Variants in CADPS observed in about 807,000 individuals in gnomAD.
CADPS encodes the protein calcium dependent secretion activator, also known as calcium-dependent secretion activator 1.
A neutral mutation model predicts 167.3 loss-of-function variants in CADPS; 57 were observed. The ratio of observed to expected loss-of-function variants is 0.34; its 90% CI spans 0.28 to 0.42. CADPS has a LOEUF of 0.42. CADPS is among the 20% of genes least tolerant of loss of function. The pLI is 1.00. For synonymous variants in CADPS, 676 were observed against 635.3 expected (o/e 1.06, Z -0.96); for missense variants, 1,414 against 1,738.1 (o/e 0.81, Z 3.32).
chr3:62,776,628 T>C (rs574204807), intron 1 of CADPS, among the ~76,000 whole-genome samples: 1 of 152,088 alleles, frequency 6.6e-6, no homozygotes, highest in Non-Finnish European at 1.5e-5. Flanking sequence ...CACTCCAGCA[T>C]GGACAACAGA....
chr3:62,875,188 C>A lies in CADPS; in HGVS notation c.-159G>T. ...CTCAGCCTCGGCCGCCGCGACTGAT[C>A]CTCTGCCCGGCGGTCGCGAGCTGGG... On this transcript the variant is annotated 5_prime_UTR_variant, in exon 1 of 30. Transcript: ENST00000383710. The A allele has an allele frequency of 9.9e-7, 1 of 1,009,726 alleles. No homozygotes were observed. Among genetic ancestry groups the A allele is most frequent in the Non-Finnish European group, 1.3e-6 (1 of 779,652 alleles). The allele number at this position is 1,009,726 out of a possible 1,614,324, so 62.5% of individuals were successfully genotyped here.
chr3:62,721,133 TTA>T (rs1564298904), intron 3 of CADPS, among the ~76,000 whole-genome samples: 1 of 111,754 alleles, frequency 8.9e-6, no homozygotes. Context: ...TTTTTTTTTT[TTA>T]AAAAAAAAAA....
chr3:62,683,991 A>T (rs1465593889), intron 3 of CADPS, among the ~76,000 whole-genome samples: 1 of 151,978 alleles, frequency 6.6e-6, no homozygotes, highest in Non-Finnish European at 1.5e-5. Context: ...AGGTTTCCAG[A>T]TTTCTTTACT....
At chr3:62,406,357 A>G (rs1053055207) in intron 28 of CADPS, among the ~76,000 whole-genome samples, 3 of 152,136 alleles carry the variant, frequency 2.0e-5, no homozygotes, top group Admixed American at 6.5e-5. Flanking sequence ...GTGCTTATTA[A>G]TCGGGTTTGC....
chr3:62,817,024 G>T (rs781753266), intron 1 of CADPS, among the ~76,000 whole-genome samples: 2 of 152,062 alleles, frequency 1.3e-5, no homozygotes, highest in Non-Finnish European at 2.9e-5. Flanking sequence ...ATAGTCCAAG[G>T]CCAGGAAGTA....
intron 10 of CADPS, 118 bp downstream of exon 10, chr3:62,557,287 C>G: frequency 1.4e-6 from 1 of 736,054 alleles, no homozygotes; most frequent in Non-Finnish European, 2.5e-6. Context: ...ACAGCTGAAA[C>G]CCTTAGTGAA....
chr3:62,576,924 A>T (rs979302240), intron 8 of CADPS, among the ~76,000 whole-genome samples: 12 of 150,464 alleles, frequency 8.0e-5, no homozygotes, highest in African/African-American at 2.9e-4. Context: ...TTGTATCATG[A>T]TTTGAATGTA....
chr3:62,525,282 C>T (rs2071783781), intron 13 of CADPS, among the ~76,000 whole-genome samples: 1 of 151,862 alleles, frequency 6.6e-6, no homozygotes, highest in Admixed American at 6.6e-5. Flanking sequence ...GAAACAAGTT[C>T]CAAAGTGAAT....
chr3:62,784,163 C>G (rs1388330929), intron 1 of CADPS, among the ~76,000 whole-genome samples: 1 of 152,134 alleles, frequency 6.6e-6, no homozygotes, highest in Non-Finnish European at 1.5e-5. Context: ...AAAGGAGGCT[C>G]TCACTGGCCA....
At chr3:62,811,087 C>G (rs1248225214) in intron 1 of CADPS, among the ~76,000 whole-genome samples, 1 of 152,176 alleles carries the variant, frequency 6.6e-6, no homozygotes, top group Non-Finnish European at 1.5e-5. Flanking sequence ...ATCAAGCTTT[C>G]TTAGAGGTTG....
chr3:62,865,224 A>T (rs934791532), intron 1 of CADPS, among the ~76,000 whole-genome samples: 3 of 152,054 alleles, frequency 2.0e-5, no homozygotes, highest in African/African-American at 7.2e-5. Context: ...AGGCATAATT[A>T]TTTGCAGGAA....
chr3:62,695,116 A>T (rs1366249340), intron 3 of CADPS, among the ~76,000 whole-genome samples: 2 of 152,068 alleles, frequency 1.3e-5, no homozygotes, highest in Non-Finnish European at 2.9e-5. Context: ...TAGTCTTTAG[A>T]TAACAGAAAA....
chr3:62,608,755 T>A (rs556225678), intron 6 of CADPS, among the ~76,000 whole-genome samples: 3 of 152,316 alleles, frequency 2.0e-5, no homozygotes, highest in African/African-American at 7.2e-5. Context: ...AGGCCAAATG[T>A]CTTAATCCCA....
At chr3:62,539,745 A>C (rs977338048) in intron 11 of CADPS, among the ~76,000 whole-genome samples, 1 of 152,178 alleles carries the variant, frequency 6.6e-6, no homozygotes, top group Non-Finnish European at 1.5e-5. Flanking sequence ...TCACTCTATT[A>C]ACAAATATTT....
At position 62,592,667 on chromosome 3, in the gene CADPS, G is replaced by A; in HGVS notation, c.1407C>T (p.Val469=). 2 of 1,613,948 alleles carry A rather than the reference G, an allele frequency of 1.2e-6. No individual in the cohort carries two copies. Among genetic ancestry groups the A allele is most frequent in the Non-Finnish European group, 1.7e-6 (2 of 1,179,832 alleles). ...KVKLFTESTG[V]LALEDKELGR... ...CAAGCTCCTTGTCCTCCAACGCCAG[G>A]ACGCCTGTGCTCTCTGTGAACAGCT... Residue 469 remains valine, a synonymous_variant, in exon 7 of 30, where the codon GTC becomes GTT. Transcript: ENST00000383710.
At chr3:62,583,863 T>C (rs1467259341) in intron 8 of CADPS, among the ~76,000 whole-genome samples, 1 of 152,128 alleles carries the variant, frequency 6.6e-6, no homozygotes, top group Non-Finnish European at 1.5e-5. Flanking sequence ...GGTCTGCTCA[T>C]CTACTGGGAA....
intron 1 of CADPS, among the ~76,000 whole-genome samples, chr3:62,786,896 A>G (rs146795783): frequency 2.6e-4 from 39 of 152,350 alleles, no homozygotes; most frequent in Non-Finnish European, 4.7e-4. Context: ...TGGTGGGTAG[A>G]ATTGAAACAC....
At chr3:62,806,067 C>T (rs2094074309) in intron 1 of CADPS, among the ~76,000 whole-genome samples, 2 of 152,058 alleles carry the variant, frequency 1.3e-5, no homozygotes, top group African/African-American at 4.8e-5. Flanking sequence ...TAATGTACCC[C>T]TCAATTACCC....
At chr3:62,529,348 G>A (rs1329589230) in intron 13 of CADPS, among the ~76,000 whole-genome samples, 2 of 152,146 alleles carry the variant, frequency 1.3e-5, no homozygotes, top group Admixed American at 6.6e-5. Context: ...AAATAGATCA[G>A]GTTCAAGCAA....
Sources: gnomAD v4.1 joint callset for allele counts (sites outside exome capture counted in the v4.1 genomes callset) on GRCh38, gnomAD v4.1.1 for gene constraint, MANE v1.5 for transcripts, NCBI Gene and HGNC (gene_info 2026-07-23, HGNC 2026-07-21) for gene names.